RAI2: variants seen among roughly 807,000 people sequenced by gnomAD.
The protein encoded by RAI2 is retinoic acid induced 2, also known as retinoic acid-induced protein 2.
Under a neutral mutation model 15.3 loss-of-function variants are expected in RAI2, and 5 were observed. That is an observed-to-expected ratio of 0.33 (90% confidence interval 0.17 to 0.69). The LOEUF (loss-of-function observed/expected upper bound fraction) is 0.69, where lower values mean the gene tolerates loss of function less well. Among genes scored for constraint, RAI2 ranks in the 30% least tolerant of loss-of-function variants. The probability of loss-of-function intolerance (pLI) is 0.69; values close to 1 mark genes in which losing one functional copy is unlikely to be tolerated. For synonymous variants in RAI2, 191 were observed against 184.0 expected (o/e 1.04, Z -0.31); for missense variants, 424 against 424.7 (o/e 1.00, Z 0.01).
In RAI2 at chrX:17,801,147, C is replaced by T. The variant is rs143401869; in HGVS notation, c.864G>A (p.Leu288=). The change falls in exon 2 of 2, where the codon CTG becomes CTA. Residue 288 remains leucine (L), a synonymous_variant. Transcript: ENST00000451717. ...TAGGCTGGAGGATGTCAAAGGGCTT[C>T]AGTTCATCTTTTTCCAGAGGGGTCT... ...GTQTPLEKDE[L]KPFDILQPKE... 7.9e-5 allele frequency: 95 copies of T among 1,209,514 alleles called. No homozygotes were observed. The African/African-American group carries it at 1.6e-3, about 20-fold the overall frequency.
intron 1 of RAI2, among the ~76,000 whole-genome samples, chrX:17,856,503 G>A (rs1037960441): frequency 8.9e-6 from 1 of 112,216 alleles, no homozygotes; most frequent in Non-Finnish European, 1.9e-5. Flanking sequence ...TGAATCTGCC[G>A]GTATCTTGAT....
At chrX:17,807,890 G>A (rs1005590787) in intron 1 of RAI2, among the ~76,000 whole-genome samples, 1 of 112,005 alleles carries the variant, frequency 8.9e-6, no homozygotes, top group Admixed American at 9.4e-5. Context: ...CTCAAGATAT[G>A]GGTTTTCCAA....
intron 1 of RAI2, chrX:17,837,709 T>A (rs1038517532): frequency 8.9e-6 from 1 of 112,585 alleles, no homozygotes; most frequent in Non-Finnish European, 1.9e-5. Context: ...GCAAGTTGAC[T>A]GCTTCATTCT....
intron 1 of RAI2, among the ~76,000 whole-genome samples, chrX:17,808,452 G>A (rs930102377): frequency 9.0e-6 from 1 of 111,172 alleles, no homozygotes; most frequent in Non-Finnish European, 1.9e-5. Context: ...CTACCCCTAA[G>A]ACTCTGATTT....
intron 1 of RAI2, among the ~76,000 whole-genome samples, chrX:17,819,010 C>T (rs1000984218): frequency 8.0e-5 from 9 of 111,859 alleles, no homozygotes; most frequent in South Asian, 7.5e-4. Flanking sequence ...GTGTTCCCTG[C>T]GCAGGGGCCC....
At chrX:17,806,091 C>T (rs924688336) in intron 1 of RAI2, among the ~76,000 whole-genome samples, 5 of 111,581 alleles carry the variant, frequency 4.5e-5, no homozygotes, top group African/African-American at 9.8e-5. Context: ...GAAGCCTCGG[C>T]GATGCCCTAA....
rs1189636690 is a variant in RAI2, at chrX:17,800,407, A to C, written c.*11T>G. ...CATATTATAATCATACAAATTTTAA[A>C]AAGCCGTTATTTACTTTCTTGGAAA... On this transcript the variant is annotated 3_prime_UTR_variant, in exon 2 of 2. Coordinates refer to ENST00000451717, the MANE Select transcript of RAI2 (RefSeq NM_021785.6). 4 of 1,169,283 alleles carry C rather than the reference A, an allele frequency of 3.4e-6. No individual in the cohort carries two copies. The highest frequency in any genetic ancestry group is 4.6e-6 in the Non-Finnish European group (4 of 874,794).
At chrX:17,837,014 C>T (rs1255652752) in intron 1 of RAI2, among the ~76,000 whole-genome samples, 3 of 112,156 alleles carry the variant, frequency 2.7e-5, no homozygotes, top group Non-Finnish European at 5.6e-5. Context: ...GAGAAAACAG[C>T]GGCATCTGTC....
At position 17,850,129 on chromosome X, in the gene RAI2, G is replaced by A. The variant is rs764739762; in HGVS notation, c.-25+10969C>T. Among the ~76,000 whole-genome samples, 27 of 112,202 alleles carry A rather than the reference G, an allele frequency of 2.4e-4. No individual in the cohort carries two copies. In the East Asian group the frequency reaches 7.6e-3, roughly 32 times the overall value. The stretch of plus-strand genomic sequence containing the variant: ...GAAATGGGCTGGGAAAGTAGAAAGG[G>A]CTTCATATGTGGACTTTTATTCAAC... On this transcript the variant is annotated intron_variant, in intron 1 of 1. Coordinates refer to ENST00000451717, the MANE Select transcript of RAI2 (RefSeq NM_021785.6).
chrX:17,860,458 G>A (rs1173081136), intron 1 of RAI2: 1 of 112,762 alleles, frequency 8.9e-6, no homozygotes, highest in Non-Finnish European at 1.9e-5. Flanking sequence ...GCCACCCCGG[G>A]GCTGGGCATT....
At chrX:17,812,107 G>A (rs964939984) in intron 1 of RAI2, among the ~76,000 whole-genome samples, 1 of 111,422 alleles carries the variant, frequency 9.0e-6, no homozygotes, top group Non-Finnish European at 1.9e-5. Flanking sequence ...CAGCACTGTC[G>A]ATACAGTCTT....
intron 1 of RAI2, among the ~76,000 whole-genome samples, chrX:17,820,890 TA>T (rs55976503): frequency 0.015 from 1,474 of 97,275 alleles, 14 homozygotes; most frequent in African/African-American, 0.039. Flanking sequence ...CATTCTTTTG[TA>T]AAAAAAAAAA....
chrX:17,828,422 C>T (rs1000470958), intron 1 of RAI2, among the ~76,000 whole-genome samples: 1 of 111,998 alleles, frequency 8.9e-6, no homozygotes, highest in African/African-American at 3.2e-5. Context: ...GTTGCTAATA[C>T]CCGCTTCCTT....
chrX:17,822,394 A>G (rs933124325), intron 1 of RAI2, among the ~76,000 whole-genome samples: 13 of 111,374 alleles, frequency 1.2e-4, no homozygotes, highest in African/African-American at 4.2e-4. Flanking sequence ...TCCCTATTAA[A>G]CCTTCAGGGT....
intron 1 of RAI2, among the ~76,000 whole-genome samples, chrX:17,856,006 C>T (rs1169358704): frequency 8.9e-6 from 1 of 111,925 alleles, no homozygotes; most frequent in African/African-American, 3.3e-5. Flanking sequence ...TGGGACAGTG[C>T]AAACATGTGA....
rs192577179 is a variant in RAI2 at position 17,814,799 on chromosome X, T to C, written c.-24-12765A>G. Among the ~76,000 whole-genome samples, 60 of 110,978 alleles carry C rather than the reference T, an allele frequency of 5.4e-4. No homozygotes were observed. The East Asian group carries it at 0.014, about 26-fold the overall frequency. ...CCTCCAGAAAGTTCTTTGAATCATA[T>C]TTGTGCTGGCTGGAATGCAAGATGT... On this transcript the variant is annotated intron_variant, in intron 1 of 1. Transcript: ENST00000451717.
chrX:17,820,560 G>A (rs1025506417), intron 1 of RAI2, among the ~76,000 whole-genome samples: 28 of 111,962 alleles, frequency 2.5e-4, no homozygotes, highest in African/African-American at 7.8e-4. Context: ...GCTGGCCAAA[G>A]TCACACCCAT....
chrX:17,856,690 T>A (rs1410685231), intron 1 of RAI2, among the ~76,000 whole-genome samples: 2 of 112,636 alleles, frequency 1.8e-5, no homozygotes, highest in East Asian at 5.6e-4. Context: ...GCTCAAGACA[T>A]CTGCTGGCTA....
intron 1 of RAI2, among the ~76,000 whole-genome samples, chrX:17,858,363 G>C (rs752116549): frequency 8.9e-6 from 1 of 112,301 alleles, no homozygotes; most frequent in Non-Finnish European, 1.9e-5. Context: ...AGCAGACAGA[G>C]GCCAACAATA....
Sources: gnomAD v4.1 joint callset for allele counts (sites outside exome capture counted in the v4.1 genomes callset) on GRCh38, gnomAD v4.1.1 for gene constraint, MANE v1.5 for transcripts, NCBI Gene and HGNC (gene_info 2026-07-23, HGNC 2026-07-21) for gene names.